DOCK1: variants seen among roughly 807,000 people sequenced by gnomAD.
DOCK1 encodes the protein dedicator of cytokinesis 1.
In DOCK1, 138 loss-of-function variants were observed where a neutral mutation model predicts 262.7. That is an observed-to-expected ratio of 0.53 (90% CI 0.46 to 0.61). The LOEUF (loss-of-function observed/expected upper bound fraction) is 0.61. Ranked by LOEUF, DOCK1 falls within the 20% of genes least tolerant of loss-of-function variation. The pLI is 0.00. For synonymous variants in DOCK1, 866 were observed against 867.4 expected, an observed-to-expected ratio of 1.00 and a Z score of 0.03; for missense variants, 1,908 against 2,370.7, an observed-to-expected ratio of 0.80 and a Z score of 4.05.
intron 27 of DOCK1, among the ~76,000 whole-genome samples, chr10:127,220,720 A>G (rs2058398746): frequency 6.6e-6 from 1 of 152,020 alleles, no homozygotes; most frequent in Non-Finnish European, 1.5e-5. Flanking sequence ...AATTACAAGC[A>G]AAGATGGGGG....
chr10:127,422,589 T>C (rs1226930129), intron 46 of DOCK1, among the ~76,000 whole-genome samples: 21 of 152,292 alleles, frequency 1.4e-4, no homozygotes, highest in East Asian at 1.9e-4. Context: ...TTGAAATCTG[T>C]TTGCTTTGGA....
chr10:127,283,502 A>G (rs2061037906), intron 29 of DOCK1, among the ~76,000 whole-genome samples: 1 of 152,238 alleles, frequency 6.6e-6, no homozygotes, highest in Non-Finnish European at 1.5e-5. Flanking sequence ...GAATAAAGCC[A>G]TCCTATATCT....
chr10:127,039,340 T>G (rs558822521), intron 19 of DOCK1, among the ~76,000 whole-genome samples: 12 of 152,356 alleles, frequency 7.9e-5, no homozygotes, highest in African/African-American at 2.9e-4. Flanking sequence ...TTTTGTCCTC[T>G]TTCATTTTGA....
intron 25 of DOCK1, among the ~76,000 whole-genome samples, chr10:127,113,592 A>C (rs924327774): frequency 2.0e-5 from 3 of 152,180 alleles, no homozygotes; most frequent in African/African-American, 7.2e-5. Context: ...CAGGCCTTAC[A>C]GTGCCTTGGT....
chr10:127,449,411 A>T (rs1285278472), intron 51 of DOCK1, among the ~76,000 whole-genome samples: 2 of 152,166 alleles, frequency 1.3e-5, no homozygotes, highest in Non-Finnish European at 2.9e-5. Context: ...TCTTGTTACA[A>T]ATCAACTCCG....
At chr10:127,156,177 C>A (rs567627236) in intron 27 of DOCK1, among the ~76,000 whole-genome samples, 2 of 152,326 alleles carry the variant, frequency 1.3e-5, no homozygotes, top group South Asian at 4.1e-4. Flanking sequence ...CATCAACACT[C>A]CTTCCTTGCC....
rs2068779679 is a variant in DOCK1 at position 127,425,862 on chromosome 10, T to G, written c.4777-12T>G. The stretch of plus-strand genomic sequence containing the variant: ...CCAAGAAATAAGGAATGTCAACCTC[T>G]CTGTTTTCCAGATTCCTTTTCTGGC... On this transcript the variant is annotated splice_polypyrimidine_tract_variant and intron_variant, in intron 46 of 51. Coordinates refer to ENST00000623213, the MANE Select transcript of DOCK1 (RefSeq NM_001290223.2). 1 of 1,613,872 alleles carries G rather than the reference T, an allele frequency of 6.2e-7. No homozygotes were observed. The highest frequency in any genetic ancestry group is 1.3e-5 in the African/African-American group (1 of 74,928).
chr10:127,064,878 A>G (rs2045760058), intron 23 of DOCK1, among the ~76,000 whole-genome samples: 1 of 151,978 alleles, frequency 6.6e-6, no homozygotes. Flanking sequence ...ACTGAATGGA[A>G]CTCCAGCCCC....
At chr10:126,932,282 G>A (rs990309879) in intron 1 of DOCK1, among the ~76,000 whole-genome samples, 64 of 152,202 alleles carry the variant, frequency 4.2e-4, no homozygotes, top group Non-Finnish European at 8.5e-4. Context: ...GTTGGCATGC[G>A]CCTAGTCTCA....
intron 22 of DOCK1, among the ~76,000 whole-genome samples, chr10:127,053,788 A>T (rs1412626262): frequency 1.3e-5 from 2 of 152,210 alleles, no homozygotes; most frequent in Non-Finnish European, 2.9e-5. Context: ...AGGACTTTCT[A>T]AGTTGGCCCA....
chr10:127,259,751 C>T (rs982174905), intron 29 of DOCK1, among the ~76,000 whole-genome samples: 3 of 151,402 alleles, frequency 2.0e-5, no homozygotes, highest in Non-Finnish European at 2.9e-5. Context: ...GAGGGTCTCC[C>T]GTTTAGGAGG....
chr10:127,142,345 T>C (rs1744155096), intron 27 of DOCK1, among the ~76,000 whole-genome samples: 1 of 152,094 alleles, frequency 6.6e-6, no homozygotes, highest in African/African-American at 2.4e-5. Context: ...CAGGCCTCAC[T>C]CTCCAGCAGC....
chr10:127,272,352 C>T (rs1371053255), intron 29 of DOCK1, among the ~76,000 whole-genome samples: 2 of 152,174 alleles, frequency 1.3e-5, no homozygotes, highest in Non-Finnish European at 2.9e-5. Flanking sequence ...GCAGAGACAC[C>T]ACTGTGAGCT....
intron 25 of DOCK1, among the ~76,000 whole-genome samples, chr10:127,121,170 G>C (rs1410466542): frequency 2.0e-5 from 3 of 151,328 alleles, no homozygotes; most frequent in Non-Finnish European, 4.4e-5. Flanking sequence ...TCAAGTGTTT[G>C]TTCCAGAGTA....
At chr10:126,926,811 G>C (rs1351449031) in intron 1 of DOCK1, among the ~76,000 whole-genome samples, 1 of 152,084 alleles carries the variant, frequency 6.6e-6, no homozygotes, top group Non-Finnish European at 1.5e-5. Context: ...GAAGAGGCAA[G>C]GAGGAAGTCT....
chr10:127,344,511 T>C (rs541895089), intron 31 of DOCK1: 1 of 152,320 alleles, frequency 6.6e-6, no homozygotes, highest in South Asian at 2.1e-4. Context: ...CATCAGTCTC[T>C]GTTTGTCATT....
At chr10:127,306,144 A>C (rs537032675) in intron 29 of DOCK1, among the ~76,000 whole-genome samples, 10 of 151,468 alleles carry the variant, frequency 6.6e-5, no homozygotes, top group African/African-American at 2.4e-4. Flanking sequence ...CCTCTCAAGT[A>C]GCTGGGATTA....
At chr10:126,999,771 G>A (rs2040456170) in intron 9 of DOCK1, among the ~76,000 whole-genome samples, 1 of 152,112 alleles carries the variant, frequency 6.6e-6, no homozygotes, top group Non-Finnish European at 1.5e-5. Context: ...ACGCCTCCTG[G>A]GTTCAAGCAG....
At position 127,410,690 on chromosome 10, in the gene DOCK1, T is replaced by A. The variant is rs11017943; in HGVS notation, c.4344-150T>A. 6.7e-6 allele frequency: 4 copies of A among 597,016 alleles called. No homozygotes were observed. Among genetic ancestry groups the A allele is most frequent in the African/African-American group, 1.9e-5 (1 of 53,198 alleles). The allele number at this position is 597,016 out of a possible 1,614,324, so 37.0% of individuals were successfully genotyped here. On this transcript the variant is annotated intron_variant, in intron 42 of 51. Coordinates refer to ENST00000623213, the MANE Select transcript of DOCK1 (RefSeq NM_001290223.2). The stretch of plus-strand genomic sequence containing the variant: ...TTCCACCTGCCAACATTTCCCTGGC[T>A]GGGAGAGGACACCAAGGCGATGGCT...
Sources: allele counts gnomAD v4.1 joint callset (sites outside exome capture counted in the v4.1 genomes callset), GRCh38; gene constraint gnomAD v4.1.1; transcripts MANE v1.5; gene names NCBI Gene and HGNC (gene_info 2026-07-23, HGNC 2026-07-21).